Variants in SLC25A17 observed in about 807,000 individuals in gnomAD.
The protein encoded by SLC25A17 is solute carrier family 25 member 17.
Under a neutral mutation model 38.5 loss-of-function variants are expected in SLC25A17, and 26 were observed. The ratio of observed to expected loss-of-function variants is 0.68; its 90% CI spans 0.50 to 0.94. The LOEUF (loss-of-function observed/expected upper bound fraction) is 0.94. SLC25A17 is among the 40% of genes least tolerant of loss of function. SLC25A17 has a pLI of 0.00. For missense variants in SLC25A17, 333 were observed against 372.7 expected (o/e 0.89, Z 0.88); for synonymous variants, 139 against 136.2 (o/e 1.02, Z -0.14).
chr22:40,790,962 T>G (rs1322140007), intron 4 of SLC25A17, among the ~76,000 whole-genome samples: 2 of 152,168 alleles, frequency 1.3e-5, no homozygotes, highest in Non-Finnish European at 2.9e-5. Flanking sequence ...TTTCCCCAAG[T>G]GAACAAATCT....
rs181692711 is a variant in SLC25A17, at chr22:40,792,899, T to C, written c.183-223A>G. Among the ~76,000 whole-genome samples the C allele has an allele frequency of 4.6e-5, 7 of 152,378 alleles. No individual in the cohort carries two copies. The East Asian group carries it at 9.6e-4, about 21-fold the overall frequency. ...ACCAAAGAAACAACACAAAGTCTGA[T>C]TGATTTATTAATTCCCTCCCTTAAT... On this transcript the variant is annotated intron_variant, in intron 3 of 8. Transcript: ENST00000435456.
intron 7 of SLC25A17, among the ~76,000 whole-genome samples, chr22:40,775,347 G>GGCAGGGCCA (rs1299536477): frequency 2.0e-5 from 3 of 151,518 alleles, no homozygotes; most frequent in African/African-American, 7.3e-5. Context: ...ACAAGTCAAG[G>GGCAGGGCCA]GCAGGGCCAG....
At chr22:40,795,574 G>A (rs1361893149) in intron 2 of SLC25A17, among the ~76,000 whole-genome samples, 1 of 152,188 alleles carries the variant, frequency 6.6e-6, no homozygotes, top group Non-Finnish European at 1.5e-5. Flanking sequence ...ACAGGCGTGA[G>A]CCACCACGCC....
chr22:40,818,437 G>A (rs2057663075), intron 1 of SLC25A17, among the ~76,000 whole-genome samples: 1 of 152,144 alleles, frequency 6.6e-6, no homozygotes, highest in Non-Finnish European at 1.5e-5. Flanking sequence ...AGAAAAAAAA[G>A]CCAGGCACAG....
intron 5 of SLC25A17, among the ~76,000 whole-genome samples, chr22:40,778,426 A>T (rs566927714): frequency 2.0e-5 from 3 of 152,296 alleles, no homozygotes; most frequent in African/African-American, 7.2e-5. Flanking sequence ...TGCTGGTCCC[A>T]GAAAGAGGAG....
In SLC25A17 at chr22:40,769,631, A is replaced by AT. The variant is rs2057161871; in HGVS notation, c.*1202dup. ...GCAAAAGATGACATACGACTCCTAGATTTTTCAGAGGTTGTTTTAATACAT... is the reference window on the plus strand; with the variant it reads ...GCAAAAGATGACATACGACTCCTAGATTTTTTCAGAGGTTGTTTTAATACAT... On this transcript the variant is annotated 3_prime_UTR_variant, in exon 9 of 9. Transcript: ENST00000435456. 1 of 152,106 alleles carries AT rather than the reference A, an allele frequency of 6.6e-6. No individual in the cohort carries two copies. Among genetic ancestry groups the AT allele is most frequent in the African/African-American group, 2.4e-5 (1 of 41,402 alleles). The allele number at this position is 152,106 out of a possible 1,614,324, so 9.4% of individuals were successfully genotyped here.
chr22:40,795,829 C>T (rs1409536028), intron 2 of SLC25A17, among the ~76,000 whole-genome samples: 5 of 152,034 alleles, frequency 3.3e-5, no homozygotes, highest in Non-Finnish European at 5.9e-5. Flanking sequence ...GCTTTGTCGC[C>T]CATGCTGGAG....
intron 8 of SLC25A17, among the ~76,000 whole-genome samples, 186 bp downstream of exon 8, chr22:40,773,751 T>G (rs2057211656): frequency 6.6e-6 from 1 of 152,202 alleles, no homozygotes; most frequent in Non-Finnish European, 1.5e-5. Context: ...TTCCATAATT[T>G]CCCAAAATGC....
chr22:40,787,185 G>T (rs900102772), intron 4 of SLC25A17, among the ~76,000 whole-genome samples: 2 of 150,062 alleles, frequency 1.3e-5, no homozygotes, highest in African/African-American at 4.9e-5. Context: ...AGAATAAAGG[G>T]ATGAATGGGA....
intron 1 of SLC25A17, among the ~76,000 whole-genome samples, chr22:40,814,197 T>C (rs1018763482): frequency 3.3e-5 from 5 of 152,174 alleles, no homozygotes; most frequent in Admixed American, 6.5e-5. Context: ...TCTGTGACCA[T>C]AAAAAGAACA....
intron 1 of SLC25A17, among the ~76,000 whole-genome samples, chr22:40,801,340 A>G (rs2057482702): frequency 6.6e-6 from 1 of 151,846 alleles, no homozygotes; most frequent in Non-Finnish European, 1.5e-5. Context: ...TTGGTTGTTC[A>G]GTCCTCTAGG....
At chr22:40,792,758 T>A (rs571705203) in intron 3 of SLC25A17, 82 bp from the exon 4 acceptor site, 2 of 1,429,992 alleles carry the variant, frequency 1.4e-6, no homozygotes, top group East Asian at 4.7e-5. Flanking sequence ...AGGCTGACCA[T>A]CATTCACATG....
chr22:40,784,530 T>C (rs981368216), intron 4 of SLC25A17: 3 of 256,292 alleles, frequency 1.2e-5, no homozygotes, highest in Admixed American at 6.8e-5. Flanking sequence ...CCTAGCACTT[T>C]GGAAGGTCGA....
intron 4 of SLC25A17, 134 bp from the exon 5 acceptor site, chr22:40,779,259 C>T (rs5758077): frequency 0.33 from 501,907 of 1,526,268 alleles, 88,398 homozygotes; most frequent in East Asian, 0.66. Context: ...GGTAAGGTGT[C>T]TCTTTGTGCC....
At chr22:40,783,117 A>C (rs1449942617) in intron 4 of SLC25A17, among the ~76,000 whole-genome samples, 5 of 152,236 alleles carry the variant, frequency 3.3e-5, no homozygotes, top group Non-Finnish European at 2.9e-5. Context: ...AGAAGTTTAA[A>C]ACTCACAAAA....
intron 1 of SLC25A17, among the ~76,000 whole-genome samples, chr22:40,818,615 C>A (rs961400041): frequency 6.9e-6 from 1 of 145,474 alleles, no homozygotes; most frequent in Admixed American, 7.2e-5. Flanking sequence ...CTGAGGTGGG[C>A]GGATCGCTGG....
intron 4 of SLC25A17, among the ~76,000 whole-genome samples, chr22:40,787,429 C>A (rs1222584770): frequency 6.6e-6 from 1 of 152,174 alleles, no homozygotes; most frequent in Non-Finnish European, 1.5e-5. Flanking sequence ...TGGAAGAGCA[C>A]AGGCATCCTA....
chr22:40,795,470 T>C (rs2057420697), intron 2 of SLC25A17, among the ~76,000 whole-genome samples: 1 of 152,120 alleles, frequency 6.6e-6, no homozygotes. Flanking sequence ...TTTTTTGTTT[T>C]TGTAGTAGAG....
At chr22:40,784,602 C>G (rs2057320858) in intron 4 of SLC25A17, 1 of 236,076 alleles carries the variant, frequency 4.2e-6, no homozygotes, top group Admixed American at 4.4e-5. Context: ...GAAAGACCCC[C>G]ATCTGTACAA....
Sources: gnomAD v4.1 joint callset for allele counts (sites outside exome capture counted in the v4.1 genomes callset) on GRCh38, gnomAD v4.1.1 for gene constraint, MANE v1.5 for transcripts, NCBI Gene and HGNC (gene_info 2026-07-23, HGNC 2026-07-21) for gene names.